FAM110B: variants seen among roughly 807,000 people sequenced by gnomAD.
FAM110B encodes family with sequence similarity 110 member B.
In FAM110B, 6 loss-of-function variants were observed where a neutral mutation model predicts 20.4. The ratio of observed to expected loss-of-function variants is 0.29; its 90% CI spans 0.16 to 0.58. FAM110B has a LOEUF of 0.58. Among genes scored for constraint, FAM110B ranks in the 20% least tolerant of loss-of-function variants. FAM110B has a pLI of 0.90. For synonymous variants in FAM110B, 226 were observed against 214.1 expected (o/e 1.06, Z -0.49); for missense variants, 434 against 498.2 (o/e 0.87, Z 1.23).
intron 2 of FAM110B, among the ~76,000 whole-genome samples, chr8:58,062,011 A>T (rs1805666990): frequency 6.6e-6 from 1 of 152,228 alleles, no homozygotes; most frequent in Admixed American, 6.5e-5. Flanking sequence ...TTCTCTTCAA[A>T]TAACTTTTCC....
At position 58,031,634 on chromosome 8, in the gene FAM110B, C is replaced by T. The variant is rs1339553091; in HGVS notation, c.-483C>T. The T allele has an allele frequency of 1.3e-5, 2 of 152,184 alleles. No homozygotes were observed. The highest frequency in any genetic ancestry group is 4.8e-5 in the African/African-American group (2 of 41,448). 9.4% of individuals were successfully genotyped at this position (152,184 alleles called of 1,614,324 possible). On this transcript the variant is annotated 5_prime_UTR_variant, in exon 2 of 4. Transcript: ENST00000519262. ...TCTCCAAATTGGACATCCAGAGCAG[C>T]ATTCTTGTTCTGTCTACGTCTTGAA... is the stretch of plus-strand genomic sequence containing the variant.
chr8:58,109,535 T>C (rs914178663), intron 3 of FAM110B, among the ~76,000 whole-genome samples: 2 of 152,194 alleles, frequency 1.3e-5, no homozygotes, highest in African/African-American at 4.8e-5. Flanking sequence ...TTTTCTTTTT[T>C]TCTTTTGGTT....
At chr8:58,145,688 T>C (rs1226568778) in intron 3 of FAM110B, among the ~76,000 whole-genome samples, 2 of 152,248 alleles carry the variant, frequency 1.3e-5, no homozygotes, top group African/African-American at 4.8e-5. Context: ...AGCCCTTTCT[T>C]TCTTCCCGGC....
intron 3 of FAM110B, among the ~76,000 whole-genome samples, chr8:58,130,451 C>A (rs1366476501): frequency 6.6e-6 from 1 of 152,178 alleles, no homozygotes; most frequent in East Asian, 1.9e-4. Flanking sequence ...GACCCTAGGA[C>A]CTAGAACCTG....
At chr8:58,016,527 C>T (rs1804640023) in intron 1 of FAM110B, among the ~76,000 whole-genome samples, 1 of 152,186 alleles carries the variant, frequency 6.6e-6, no homozygotes, top group Admixed American at 6.5e-5. Flanking sequence ...CTCAGTTCCT[C>T]CCCAGCTTAA....
At position 58,031,045 on chromosome 8, in the gene FAM110B, T is replaced by C. The variant is rs117712207; in HGVS notation, c.-511-561T>C. ...TTTGGGACTATTGAGGCCATCAAGATCTGTCCTCAATCCAGGAAAAAGAAG... is the reference window on the plus strand; with the variant it reads ...TTTGGGACTATTGAGGCCATCAAGACCTGTCCTCAATCCAGGAAAAAGAAG... On this transcript the variant is annotated intron_variant, in intron 1 of 3. Coordinates refer to ENST00000519262, the MANE Select transcript of FAM110B (RefSeq NM_001377989.1). 3.2e-4 allele frequency among the ~76,000 whole-genome samples: 49 copies of C among 152,346 alleles called. No homozygotes were observed. In the East Asian group the frequency reaches 8.9e-3, roughly 28 times the overall value.
intron 2 of FAM110B, among the ~76,000 whole-genome samples, chr8:58,063,763 A>G (rs1429009880): frequency 6.6e-6 from 1 of 152,138 alleles, no homozygotes; most frequent in Non-Finnish European, 1.5e-5. Flanking sequence ...TAACTTTACA[A>G]TGTTCTATTA....
chr8:58,135,990 TAGCC>T (rs1311913956), intron 3 of FAM110B, among the ~76,000 whole-genome samples: 1 of 146,014 alleles, frequency 6.8e-6, no homozygotes, highest in African/African-American at 2.5e-5. Flanking sequence ...AGACTTACAG[TAGCC>T]AGCAAGTCCT....
At chr8:58,116,883 G>A (rs1180833722) in intron 3 of FAM110B, among the ~76,000 whole-genome samples, 1 of 152,194 alleles carries the variant, frequency 6.6e-6, no homozygotes, top group African/African-American at 2.4e-5. Context: ...AGATTGTAGA[G>A]CATCAGGAAT....
intron 3 of FAM110B, among the ~76,000 whole-genome samples, chr8:58,092,407 C>T (rs199857919): frequency 6.6e-6 from 1 of 152,112 alleles, no homozygotes; most frequent in Admixed American, 6.5e-5. Flanking sequence ...CCCCCTACCC[C>T]CCGACAGGCC....
At chr8:58,015,541 C>T (rs1310312273) in intron 1 of FAM110B, among the ~76,000 whole-genome samples, 4 of 151,826 alleles carry the variant, frequency 2.6e-5, no homozygotes, top group Admixed American at 6.6e-5. Flanking sequence ...TTAACTAAAA[C>T]GTGTTCTTGA....
intron 1 of FAM110B, among the ~76,000 whole-genome samples, chr8:58,018,939 G>A (rs994822480): frequency 1.3e-5 from 2 of 151,840 alleles, no homozygotes; most frequent in Admixed American, 6.6e-5. Flanking sequence ...TTTCCTTTAC[G>A]CTCCTCCTGT....
chr8:58,027,510 G>A (rs1332241922), intron 1 of FAM110B, among the ~76,000 whole-genome samples: 4 of 151,568 alleles, frequency 2.6e-5, no homozygotes, highest in Admixed American at 6.6e-5. Context: ...ATGTATTTTC[G>A]CAAATATGGC....
intron 2 of FAM110B, among the ~76,000 whole-genome samples, chr8:58,044,243 A>G (rs1015067243): frequency 1.3e-5 from 2 of 152,058 alleles, no homozygotes; most frequent in Non-Finnish European, 2.9e-5. Flanking sequence ...TGCCACTTAC[A>G]TAGACTACCG....
chr8:58,128,092 T>G (rs1807557770), intron 3 of FAM110B, among the ~76,000 whole-genome samples: 1 of 152,234 alleles, frequency 6.6e-6, no homozygotes. Flanking sequence ...TCACACCTTC[T>G]GTATGACAGA....
intron 1 of FAM110B, among the ~76,000 whole-genome samples, chr8:58,003,498 G>A (rs1331320973): frequency 6.6e-6 from 1 of 152,104 alleles, no homozygotes; most frequent in Non-Finnish European, 1.5e-5. Flanking sequence ...AGTATCTATG[G>A]CAGCTATAGC....
intron 2 of FAM110B, among the ~76,000 whole-genome samples, chr8:58,046,231 A>G (rs1805317469): frequency 6.6e-6 from 1 of 152,212 alleles, no homozygotes; most frequent in Non-Finnish European, 1.5e-5. Context: ...CTATAATTGA[A>G]TTTTTATATT....
intron 2 of FAM110B, among the ~76,000 whole-genome samples, chr8:58,042,891 T>A (rs772590417): frequency 2.6e-5 from 4 of 152,240 alleles, no homozygotes; most frequent in Non-Finnish European, 4.4e-5. Flanking sequence ...ACTGTGGGAA[T>A]AGTCCTGGCT....
Position 57,995,157 on chromosome 8 carries a change from G to T in FAM110B, c.-512+351G>T, listed in dbSNP as rs546447363. Among the ~76,000 whole-genome samples, 974 of 152,252 alleles carry T rather than the reference G, an allele frequency of 6.4e-3. 7 individuals are homozygous for T. Among genetic ancestry groups the T allele is most frequent in the Admixed American group, 1.0e-2 (153 of 15,304 alleles). On this transcript the variant is annotated intron_variant, in intron 1 of 3. Transcript: ENST00000519262. ...TGGAGCCGGGGTTGGAGCCAGGGCG[G>T]GGGGAAGCTGGCCGCGCTGCGGAGC...
Sources: allele counts gnomAD v4.1 joint callset (sites outside exome capture counted in the v4.1 genomes callset), GRCh38; gene constraint gnomAD v4.1.1; transcripts MANE v1.5; gene names NCBI Gene and HGNC (gene_info 2026-07-23, HGNC 2026-07-21).